The following CFDP1 variants were observed in gnomAD, a reference collection of about 807,000 sequenced individuals.
The protein encoded by CFDP1 is chromatin remodeling protein CFDP1.
In CFDP1, 31 loss-of-function variants were observed where a neutral mutation model predicts 40.1. The ratio of observed to expected loss-of-function variants is 0.77; its 90% CI spans 0.58 to 1.04. CFDP1 has a LOEUF of 1.04. Ranked by LOEUF, CFDP1 falls within the 50% of genes least tolerant of loss-of-function variation. CFDP1 has a pLI of 0.00. For missense variants in CFDP1, 423 were observed against 343.4 expected, an observed-to-expected ratio of 1.23 and a Z score of -1.83; for synonymous variants, 167 against 120.0, an observed-to-expected ratio of 1.39 and a Z score of -2.56.
At chr16:75,379,964 C>G (rs1407429568) in intron 5 of CFDP1, 2 of 151,788 alleles carry the variant, frequency 1.3e-5, no homozygotes, top group Non-Finnish European at 2.9e-5. Flanking sequence ...ATGGTGGAAC[C>G]CTGTCTCTAC....
At chr16:75,334,264 T>C (rs2078469416) in intron 5 of CFDP1, among the ~76,000 whole-genome samples, 1 of 151,770 alleles carries the variant, frequency 6.6e-6, no homozygotes, top group Non-Finnish European at 1.5e-5. Context: ...CGTTTGCTTC[T>C]TTTTTCCCCT....
intron 5 of CFDP1, among the ~76,000 whole-genome samples, chr16:75,372,035 A>T (rs547472160): frequency 6.6e-6 from 1 of 152,314 alleles, no homozygotes; most frequent in African/African-American, 2.4e-5. Flanking sequence ...AGGAATTATG[A>T]TCCCTATTTT....
chr16:75,337,413 T>C (rs2078497020), intron 5 of CFDP1, among the ~76,000 whole-genome samples: 1 of 152,248 alleles, frequency 6.6e-6, no homozygotes, highest in Admixed American at 6.5e-5. Flanking sequence ...CGCAGGCCAT[T>C]AGGCTTTACT....
intron 5 of CFDP1, among the ~76,000 whole-genome samples, chr16:75,392,062 T>C (rs1369810389): frequency 6.6e-6 from 1 of 152,144 alleles, no homozygotes; most frequent in East Asian, 1.9e-4. Context: ...CAAAAACATG[T>C]TGTTTCAGCC....
chr16:75,344,657 G>C (rs974479293), intron 5 of CFDP1, among the ~76,000 whole-genome samples: 1 of 152,178 alleles, frequency 6.6e-6, no homozygotes, highest in African/African-American at 2.4e-5. Flanking sequence ...ATCCTGGCTG[G>C]GCACAGTGGC....
chr16:75,400,277 TCAAAACAAAAAACAAAA>T (rs1202377997), intron 4 of CFDP1, among the ~76,000 whole-genome samples: 2 of 118,640 alleles, frequency 1.7e-5, no homozygotes, highest in South Asian at 2.9e-4. Flanking sequence ...AGACCCTGTC[TCAAAACAAAAAACAAAA>T]CAAAACAAAA....
intron 5 of CFDP1, among the ~76,000 whole-genome samples, chr16:75,327,762 C>T (rs189423803): frequency 7.2e-5 from 11 of 152,260 alleles, no homozygotes; most frequent in East Asian, 1.9e-4. Context: ...TGACTCTTGT[C>T]GCCCAGGCTG....
intron 6 of CFDP1, among the ~76,000 whole-genome samples, chr16:75,301,099 A>G (rs981417567): frequency 6.6e-6 from 1 of 152,208 alleles, no homozygotes; most frequent in African/African-American, 2.4e-5. Flanking sequence ...AGGTGGGAGA[A>G]AGAAAAGCGA....
chr16:75,315,597 A>T (rs974894129), intron 5 of CFDP1, among the ~76,000 whole-genome samples: 2 of 152,198 alleles, frequency 1.3e-5, no homozygotes, highest in Non-Finnish European at 2.9e-5. Flanking sequence ...TGTGAAACTG[A>T]AAGAAAAGTT....
chr16:75,420,644 G>A (rs1346904458), intron 1 of CFDP1, among the ~76,000 whole-genome samples: 1 of 152,154 alleles, frequency 6.6e-6, no homozygotes, highest in African/African-American at 2.4e-5. Flanking sequence ...ATTTGAGTAT[G>A]ATCTATATAT....
intron 5 of CFDP1, among the ~76,000 whole-genome samples, chr16:75,386,936 G>C (rs1248927632): frequency 6.6e-6 from 1 of 152,142 alleles, no homozygotes; most frequent in Non-Finnish European, 1.5e-5. Context: ...TTAATAGATT[G>C]AAAATACTCC....
chr16:75,389,281 T>C (rs756253479), intron 5 of CFDP1, among the ~76,000 whole-genome samples: 11 of 152,198 alleles, frequency 7.2e-5, no homozygotes, highest in Non-Finnish European at 1.6e-4. Flanking sequence ...ATCAAGAGCA[T>C]GGAATGACAA....
At chr16:75,414,394 C>G (rs2079186904) in intron 2 of CFDP1, among the ~76,000 whole-genome samples, 184 bp downstream of exon 2, 1 of 152,144 alleles carries the variant, frequency 6.6e-6, no homozygotes, top group Non-Finnish European at 1.5e-5. Context: ...TACATTAAAG[C>G]TCAAAATGTT....
intron 5 of CFDP1, among the ~76,000 whole-genome samples, chr16:75,313,374 G>C (rs377589286): frequency 6.6e-6 from 1 of 152,192 alleles, no homozygotes; most frequent in Non-Finnish European, 1.5e-5. Flanking sequence ...CTGTCACCCA[G>C]GCTGGAGTGC....
At chr16:75,318,699 C>T (rs573115964) in intron 5 of CFDP1, among the ~76,000 whole-genome samples, 24 of 152,202 alleles carry the variant, frequency 1.6e-4, no homozygotes, top group African/African-American at 5.1e-4. Context: ...CCACTGCGCC[C>T]GGCCGGCATG....
chr16:75,371,347 T>TTA (rs980444492), intron 5 of CFDP1, among the ~76,000 whole-genome samples: 1 of 151,884 alleles, frequency 6.6e-6, no homozygotes, highest in Non-Finnish European at 1.5e-5. Context: ...AATTTCATAA[T>TTA]TATATATCTC....
At chr16:75,313,627 G>A (rs895602287) in intron 5 of CFDP1, among the ~76,000 whole-genome samples, 9 of 152,194 alleles carry the variant, frequency 5.9e-5, no homozygotes, top group Middle Eastern at 3.2e-3. Context: ...CTCCCTCCAC[G>A]CCTGGCCAGC....
At chr16:75,416,953 G>A (rs1376659425) in intron 1 of CFDP1, among the ~76,000 whole-genome samples, 3 of 152,064 alleles carry the variant, frequency 2.0e-5, no homozygotes, top group Non-Finnish European at 4.4e-5. Flanking sequence ...ACAGCAATCT[G>A]AACATAGAAA....
chr16:75,410,904 G>C (rs1271766104), intron 4 of CFDP1, among the ~76,000 whole-genome samples: 1 of 104,790 alleles, frequency 9.5e-6, no homozygotes, highest in African/African-American at 3.8e-5. Flanking sequence ...GCAAGACTCT[G>C]TCTCAAAAAA....
Sources: gnomAD v4.1 joint callset for allele counts (sites outside exome capture counted in the v4.1 genomes callset) on GRCh38, gnomAD v4.1.1 for gene constraint, MANE v1.5 for transcripts, NCBI Gene and HGNC (gene_info 2026-07-23, HGNC 2026-07-21) for gene names.